PRKN: variants seen among roughly 807,000 people sequenced by gnomAD.
The protein encoded by PRKN is parkin RBR E3 ubiquitin protein ligase.
A neutral mutation model predicts 59.5 loss-of-function variants in PRKN; 56 were observed. That is an observed-to-expected ratio of 0.94 (90% CI 0.76 to 1.18). PRKN has a LOEUF of 1.18. PRKN is among the 50% of genes most tolerant of loss of function. The pLI is 0.00. For synonymous variants in PRKN, 250 were observed against 222.1 expected, an observed-to-expected ratio of 1.13 and a Z score of -1.12; for missense variants, 657 against 596.4, an observed-to-expected ratio of 1.10 and a Z score of -1.06.
intron 7 of PRKN, among the ~76,000 whole-genome samples, chr6:161,731,661 T>G (rs1198460280): frequency 6.6e-6 from 1 of 152,132 alleles, no homozygotes; most frequent in Non-Finnish European, 1.5e-5. Flanking sequence ...AATGGCAAAT[T>G]ATAGGATGAA....
At position 161,379,484 on chromosome 6, in the gene PRKN, C is replaced by G. The variant is rs1582995718; in HGVS notation, c.1167+7310G>C. Among the ~76,000 whole-genome samples the G allele has an allele frequency of 6.6e-6, 1 of 152,336 alleles. No homozygotes were observed. Among genetic ancestry groups the G allele is most frequent in the African/African-American group, 2.4e-5 (1 of 41,578 alleles). ...TCCAGGCAGTGCAAGGGGCAGACGA[C>G]AGCAGATGCTGTGAGGCTGGCCAGA... On this transcript the variant is annotated intron_variant, in intron 10 of 11. Coordinates refer to ENST00000366898, the MANE Select transcript of PRKN (RefSeq NM_004562.3). This position sits in a 1 kb window ranked among gnomAD's most constrained non-coding sequence, Gnocchi z 4.9.
chr6:162,365,793 A>G (rs543036249), intron 2 of PRKN, among the ~76,000 whole-genome samples: 14 of 152,282 alleles, frequency 9.2e-5, no homozygotes, highest in African/African-American at 3.1e-4. Flanking sequence ...ACCCTCTGGA[A>G]TAATCTTGTT....
chr6:162,505,918 T>G (rs1008220401), intron 1 of PRKN, among the ~76,000 whole-genome samples: 1 of 152,164 alleles, frequency 6.6e-6, no homozygotes, highest in Non-Finnish European at 1.5e-5. Context: ...TTCTGTAGGA[T>G]AACCACATTG....
intron 3 of PRKN, among the ~76,000 whole-genome samples, chr6:162,212,463 A>G (rs1954940): frequency 0.94 from 142,531 of 152,190 alleles, 66,786 homozygotes; most frequent in East Asian, 0.97. Context: ...AACACAGGAA[A>G]GTTGCTCGGC....
chr6:161,574,913 A>G (rs549044283), intron 7 of PRKN, among the ~76,000 whole-genome samples: 4 of 152,064 alleles, frequency 2.6e-5, no homozygotes, highest in African/African-American at 9.7e-5. Context: ...ACAAGAGCCT[A>G]TTCTTCTCTA....
chr6:162,588,324 T>G (rs1353644730), intron 1 of PRKN, among the ~76,000 whole-genome samples: 1 of 151,490 alleles, frequency 6.6e-6, no homozygotes, highest in African/African-American at 2.4e-5. Context: ...CAAAGTGAGT[T>G]TTGCTGTGAG....
At chr6:162,631,946 T>C (rs1034827794) in intron 1 of PRKN, among the ~76,000 whole-genome samples, 3 of 146,600 alleles carry the variant, frequency 2.0e-5, no homozygotes, top group African/African-American at 7.6e-5. Context: ...CACAATAAGA[T>C]ACCATCTTAT....
At position 161,973,376 on chromosome 6, in the gene PRKN, C is replaced by T; in HGVS notation, c.660G>A (p.Lys220=). ...FKCGAHPTSD[K]ETSVALHLIA... is the part of the protein sequence containing the mutation. ...TCAGGTGCAAAGCTACTGATGTTTCCTTGTCAGAGGTGGGGTGTGCTCCAC... is the reference window on the plus strand; with the variant it reads ...TCAGGTGCAAAGCTACTGATGTTTCTTTGTCAGAGGTGGGGTGTGCTCCAC... Residue 220 remains lysine, a synonymous_variant, in exon 6 of 12, where the codon AAG becomes AAA. Coordinates refer to ENST00000366898, the MANE Select transcript of PRKN (RefSeq NM_004562.3). 6.2e-7 allele frequency: 1 copy of T among 1,613,834 alleles called. No homozygotes were observed. The highest frequency in any genetic ancestry group is 8.5e-7 in the Non-Finnish European group (1 of 1,179,766).
At chr6:162,666,628 A>G (rs1779115570) in intron 1 of PRKN, among the ~76,000 whole-genome samples, 1 of 152,152 alleles carries the variant, frequency 6.6e-6, no homozygotes, top group African/African-American at 2.4e-5. Context: ...AATAAATTTG[A>G]GATTAATCAT....
chr6:161,570,005 A>G (rs1227303262), intron 7 of PRKN, among the ~76,000 whole-genome samples: 1 of 151,654 alleles, frequency 6.6e-6, no homozygotes. Flanking sequence ...CGGAAGGACC[A>G]AGAGAGAAGG....
intron 6 of PRKN, among the ~76,000 whole-genome samples, chr6:161,789,923 C>CTTTTTTTTTTTTTTTTTTTTTTTTTTT (rs1790572442): frequency 1.3e-5 from 2 of 152,072 alleles, no homozygotes; most frequent in Admixed American, 6.5e-5. Context: ...CACTAAATTT[C>CTTTTTTTTTTTTTTTTTTTTTTTTTTT]TTATTGAACA....
intron 11 of PRKN, among the ~76,000 whole-genome samples, chr6:161,351,410 C>T (rs1400890845): frequency 1.3e-5 from 2 of 151,510 alleles, no homozygotes; most frequent in African/African-American, 2.4e-5. Flanking sequence ...CTGCAACCCC[C>T]ACCTCCCAGG....
At chr6:162,016,351 C>T (rs915431967) in intron 5 of PRKN, among the ~76,000 whole-genome samples, 4 of 152,030 alleles carry the variant, frequency 2.6e-5, no homozygotes, top group Non-Finnish European at 5.9e-5. Context: ...CAAAATGTAA[C>T]TTGCCTTGGA....
At chr6:161,844,320 A>C (rs529560134) in intron 6 of PRKN, among the ~76,000 whole-genome samples, 4 of 152,376 alleles carry the variant, frequency 2.6e-5, no homozygotes, top group Non-Finnish European at 5.9e-5. Flanking sequence ...TGAACATTGC[A>C]GAATGGGAGT....
rs1004315801 is a variant in PRKN at position 161,399,476 on chromosome 6, A to G, written c.1084-12599T>C. 6.6e-6 allele frequency among the ~76,000 whole-genome samples: 1 copy of G among 152,210 alleles called. No homozygotes were observed. Among genetic ancestry groups the G allele is most frequent in the African/African-American group, 2.4e-5 (1 of 41,452 alleles). ...TCCCTAGACACTACTGTGGGGCCAG[A>G]GCCCAGAAGTGCTCGTCCTGGCTCC... On this transcript the variant is annotated intron_variant, in intron 9 of 11. Coordinates refer to ENST00000366898, the MANE Select transcript of PRKN (RefSeq NM_004562.3). This position sits in a 1 kb window ranked among gnomAD's most constrained non-coding sequence, Gnocchi z 4.4.
chr6:162,088,581 T>C (rs1288100646), intron 4 of PRKN, among the ~76,000 whole-genome samples: 1 of 152,188 alleles, frequency 6.6e-6, no homozygotes, highest in Non-Finnish European at 1.5e-5. Context: ...GATAGTTCAC[T>C]GGTAAAAGAT....
At chr6:161,568,065 G>T (rs1042757449) in intron 8 of PRKN, among the ~76,000 whole-genome samples, 3 of 152,144 alleles carry the variant, frequency 2.0e-5, no homozygotes, top group African/African-American at 7.2e-5. Flanking sequence ...AAATGAAGGG[G>T]ATGTACTGTA....
chr6:162,235,883 G>C (rs1034348862), intron 3 of PRKN, among the ~76,000 whole-genome samples: 3 of 146,144 alleles, frequency 2.1e-5, no homozygotes, highest in African/African-American at 7.6e-5. Flanking sequence ...AAGAAAGAGA[G>C]AGAAAGAAAG....
intron 5 of PRKN, among the ~76,000 whole-genome samples, chr6:162,037,151 C>T (rs1244761280): frequency 6.6e-6 from 1 of 152,166 alleles, no homozygotes; most frequent in Non-Finnish European, 1.5e-5. Context: ...TGCAACTCTA[C>T]TCCCAAAATT....
Sources: gnomAD v4.1 joint callset for allele counts (sites outside exome capture counted in the v4.1 genomes callset) on GRCh38, gnomAD v4.1.1 for gene constraint, Gnocchi (gnomAD v3.1) non-coding constraint, MANE v1.5 for transcripts, NCBI Gene and HGNC (gene_info 2026-07-23, HGNC 2026-07-21) for gene names.